LRRIQ3: variants seen among roughly 807,000 people sequenced by gnomAD.
LRRIQ3 encodes leucine rich repeats and IQ motif containing 3, also known as leucine-rich repeat and IQ domain-containing protein 3.
A neutral mutation model predicts 59.3 loss-of-function variants in LRRIQ3; 75 were observed. That is an observed-to-expected ratio of 1.26 (90% CI 1.05 to 1.53). The LOEUF is 1.53. Among genes scored for constraint, LRRIQ3 ranks in the 40% most tolerant of loss-of-function variants. LRRIQ3 has a pLI of 0.00. For missense variants in LRRIQ3, 831 were observed against 710.0 expected (o/e 1.17, Z -1.94); for synonymous variants, 250 against 231.3 (o/e 1.08, Z -0.73).
At chr1:74,040,870 G>A (rs1654022490) in intron 7 of LRRIQ3, among the ~76,000 whole-genome samples, 1 of 152,076 alleles carries the variant, frequency 6.6e-6, no homozygotes, top group South Asian at 2.1e-4. Flanking sequence ...CCTAACATCA[G>A]AATTAAAAGA....
chr1:74,056,587 T>G (rs1332514590), intron 6 of LRRIQ3, among the ~76,000 whole-genome samples: 1 of 152,100 alleles, frequency 6.6e-6, no homozygotes, highest in Non-Finnish European at 1.5e-5. Flanking sequence ...ACTGTCTGAA[T>G]AATAAATCAA....
chr1:74,187,306 A>C (rs925402831), intron 1 of LRRIQ3, among the ~76,000 whole-genome samples: 1 of 151,698 alleles, frequency 6.6e-6, no homozygotes, highest in African/African-American at 2.4e-5. Context: ...TAGTGGATTA[A>C]AAAAATGTGA....
chr1:74,165,287 T>C (rs1393640997), intron 3 of LRRIQ3, among the ~76,000 whole-genome samples: 1 of 151,608 alleles, frequency 6.6e-6, no homozygotes, highest in South Asian at 2.1e-4. Context: ...CAGTGTTATG[T>C]AGTTTTCAGC....
chr1:74,103,473 G>A (rs967107132), intron 5 of LRRIQ3, among the ~76,000 whole-genome samples: 4 of 151,940 alleles, frequency 2.6e-5, no homozygotes, highest in Non-Finnish European at 5.9e-5. Flanking sequence ...CTTAGCATTA[G>A]TTAAGCTAGA....
At chr1:74,188,991 A>G (rs1178325676) in intron 1 of LRRIQ3, among the ~76,000 whole-genome samples, 1 of 152,136 alleles carries the variant, frequency 6.6e-6, no homozygotes, top group Non-Finnish European at 1.5e-5. Flanking sequence ...AATAACCATC[A>G]TTTTGTTACT....
At chr1:74,152,134 T>G (rs1172306934) in intron 4 of LRRIQ3, among the ~76,000 whole-genome samples, 1 of 151,364 alleles carries the variant, frequency 6.6e-6, no homozygotes, top group Non-Finnish European at 1.5e-5. Context: ...AGCAAGAAAA[T>G]TATATAAGAC....
chr1:74,090,731 T>C (rs1024684735), intron 5 of LRRIQ3, among the ~76,000 whole-genome samples: 9 of 151,444 alleles, frequency 5.9e-5, no homozygotes, highest in Non-Finnish European at 1.5e-5. Flanking sequence ...AAAAGTATAA[T>C]AATAAAATTT....
chr1:74,174,291 G>C (rs999215215), intron 3 of LRRIQ3, among the ~76,000 whole-genome samples: 4 of 150,510 alleles, frequency 2.7e-5, no homozygotes, highest in African/African-American at 9.8e-5. Context: ...TCTTCTGCTT[G>C]ACTGAGTCTA....
chr1:74,155,790 G>C lies in LRRIQ3; in HGVS notation c.650C>G (p.Ser217Ter). The change falls in exon 4 of 8, where the codon TCA (serine) becomes TGA (stop). Residue 217 changes from serine (S) to a stop codon, truncating the protein, a stop_gained. Transcript: ENST00000354431. LOFTEE classifies it high-confidence loss of function. ...SKINAILAHNSPVLIVQRWIR... is the reference protein window; with the variant it reads ...SKINAILAHN ...CCATCTTTGAACAATCAAAACTGGT[G>C]AATTATGAGCCAGAATTGCATTAAT... The C allele has an allele frequency of 6.3e-7, 1 of 1,584,694 alleles. No homozygotes were observed. The highest frequency in any genetic ancestry group is 1.7e-4 in the Middle Eastern group (1 of 5,966).
intron 6 of LRRIQ3, among the ~76,000 whole-genome samples, chr1:74,052,237 C>A (rs1654392765): frequency 2.6e-5 from 4 of 152,084 alleles, no homozygotes; most frequent in Admixed American, 2.6e-4. Flanking sequence ...TGCTTTGGAT[C>A]TAACTTTCTC....
At chr1:74,111,016 G>T (rs1646686676) in intron 4 of LRRIQ3, among the ~76,000 whole-genome samples, 1 of 151,956 alleles carries the variant, frequency 6.6e-6, no homozygotes, top group Non-Finnish European at 1.5e-5. Flanking sequence ...AATCGAAGTT[G>T]TACTCATTAC....
chr1:74,036,625 G>C (rs1435569097), intron 7 of LRRIQ3, among the ~76,000 whole-genome samples: 1 of 152,042 alleles, frequency 6.6e-6, no homozygotes. Flanking sequence ...TGTTATTGCT[G>C]GTATTATTAT....
rs267598713 is a variant in LRRIQ3, at chr1:74,041,619, C to A, written c.1312G>T (p.Glu438Ter). 3.1e-6 allele frequency: 5 copies of A among 1,613,756 alleles called. No homozygotes were observed. Among genetic ancestry groups the A allele is most frequent in the Non-Finnish European group, 4.2e-6 (5 of 1,179,856 alleles). The change falls in exon 7 of 8, where the codon GAA (glutamate) becomes TAA (stop). Residue 438 changes from glutamate to a stop codon, truncating the protein, a stop_gained. Transcript: ENST00000354431. LOFTEE classifies it high-confidence loss of function. Reference sequence around the variant, plus strand: ...GCCATGGCTACAACTCTTACTTTTTCTTTATGGTATTCCTGCTTCTTTTGT... The same window carrying A: ...GCCATGGCTACAACTCTTACTTTTTATTTATGGTATTCCTGCTTCTTTTGT... ...TEQKKQEYHK[E>*]KVRVVAMAQV...
intron 6 of LRRIQ3, among the ~76,000 whole-genome samples, chr1:74,063,399 TG>T (rs144025799): frequency 0.025 from 3,742 of 152,218 alleles, 141 homozygotes; most frequent in African/African-American, 0.085. Flanking sequence ...TTGTTCAATG[TG>T]GCTGCTTTAA....
At chr1:74,045,096 C>T (rs1009880812) in intron 6 of LRRIQ3, among the ~76,000 whole-genome samples, 2 of 152,094 alleles carry the variant, frequency 1.3e-5, no homozygotes, top group East Asian at 1.9e-4. Flanking sequence ...AGCGAATCCT[C>T]CTTAACTCAT....
chr1:74,185,473 T>C (rs1377777200), intron 1 of LRRIQ3, among the ~76,000 whole-genome samples: 2 of 152,220 alleles, frequency 1.3e-5, no homozygotes, highest in Non-Finnish European at 2.9e-5. Context: ...TCAGATCTTT[T>C]GTCCATTATA....
intron 5 of LRRIQ3, among the ~76,000 whole-genome samples, chr1:74,101,453 T>G (rs978183026): frequency 1.3e-5 from 2 of 152,172 alleles, no homozygotes. Flanking sequence ...ACTTTTTATA[T>G]GTTGATGGGA....
In LRRIQ3 at chr1:74,138,094, TA is replaced by T. The variant is rs889438716; in HGVS notation, c.707+17638del. ...TATCCCAGAACTTAAAGTATAATTT[TA>T]AAAAAAAAGGAAGAAGAAAAGAAAT... On this transcript the variant is annotated intron_variant, in intron 4 of 7. Transcript: ENST00000354431. Among the ~76,000 whole-genome samples the T allele has an allele frequency of 1.2e-4, 18 of 145,808 alleles. No individual in the cohort carries two copies. The East Asian group carries it at 3.4e-3, about 27-fold the overall frequency.
chr1:74,129,755 C>A (rs1324881522), intron 4 of LRRIQ3, among the ~76,000 whole-genome samples: 3 of 151,972 alleles, frequency 2.0e-5, no homozygotes, highest in African/African-American at 7.2e-5. Context: ...TGCCTGGGTA[C>A]CACTGCTGAT....
Sources: allele counts gnomAD v4.1 joint callset (sites outside exome capture counted in the v4.1 genomes callset), GRCh38; gene constraint gnomAD v4.1.1; transcripts MANE v1.5; gene names NCBI Gene and HGNC (gene_info 2026-07-23, HGNC 2026-07-21).